MTFR1L: variants seen among roughly 807,000 people sequenced by gnomAD.
MTFR1L encodes the protein mitochondrial fission regulator 1 like, also known as mitochondrial fission regulator 1-like.
A neutral mutation model predicts 27.9 loss-of-function variants in MTFR1L; 10 were observed. That is an observed-to-expected ratio of 0.36 (90% CI 0.22 to 0.61). MTFR1L has a LOEUF of 0.61. Among genes scored for constraint, MTFR1L ranks in the 20% least tolerant of loss-of-function variants. The pLI, the probability that MTFR1L is intolerant of heterozygous loss-of-function variation, is 0.73. For synonymous variants in MTFR1L, 151 were observed against 139.4 expected, an observed-to-expected ratio of 1.08 and a Z score of -0.58; for missense variants, 315 against 363.7, an observed-to-expected ratio of 0.87 and a Z score of 1.09.
At chr1:25,827,827 G>C (rs1027118790) in intron 5 of MTFR1L, among the ~76,000 whole-genome samples, 3 of 152,258 alleles carry the variant, frequency 2.0e-5, no homozygotes, top group Middle Eastern at 3.4e-3. Context: ...CTGGGTTCAA[G>C]CAGTTCTCGT....
intron 6 of MTFR1L, among the ~76,000 whole-genome samples, chr1:25,830,588 T>C (rs1376212839): frequency 1.3e-5 from 2 of 152,182 alleles, no homozygotes; most frequent in Admixed American, 1.3e-4. Flanking sequence ...CCAGAGGAGC[T>C]TGGTTTGAAT....
At position 25,820,130 on chromosome 1, in the gene MTFR1L, CT is replaced by C. The variant is rs1265626845; in HGVS notation, c.-87+102del. 6.7e-6 allele frequency: 3 copies of C among 449,860 alleles called. No individual in the cohort carries two copies. The Admixed American group carries it at 7.3e-5, about 11-fold the overall frequency. The allele number at this position is 449,860 out of a possible 1,614,324, so 27.9% of individuals were successfully genotyped here. ...GGGCGCTGTGCGGAGCCCGCAGCTCCTGTTCCCGCGCGAGTTCTCGCGGGAG... is the reference window on the plus strand; with the variant it reads ...GGGCGCTGTGCGGAGCCCGCAGCTCCGTTCCCGCGCGAGTTCTCGCGGGAG... On this transcript the variant is annotated intron_variant, in intron 1 of 6. Coordinates refer to ENST00000374303, the MANE Select transcript of MTFR1L (RefSeq NM_001099625.2).
chr1:25,830,386 A>T (rs2048222614), intron 6 of MTFR1L, among the ~76,000 whole-genome samples: 1 of 152,244 alleles, frequency 6.6e-6, no homozygotes, highest in South Asian at 2.1e-4. Flanking sequence ...AGATTTGTTA[A>T]AAATACACCT....
chr1:25,820,246 C>T (rs937663211), intron 1 of MTFR1L: 1 of 455,706 alleles, frequency 2.2e-6, no homozygotes, highest in Non-Finnish European at 4.4e-6. Context: ...AGTGACCAAG[C>T]CAGACCTCAG....
chr1:25,831,610 G>A (rs559353903), intron 6 of MTFR1L, among the ~76,000 whole-genome samples: 1 of 152,302 alleles, frequency 6.6e-6, no homozygotes, highest in South Asian at 2.1e-4. Flanking sequence ...CTAACAGACT[G>A]ATGGTCCTTT....
intron 6 of MTFR1L, 47 bp downstream of exon 6, chr1:25,829,877 C>T: frequency 6.7e-7 from 1 of 1,487,994 alleles, no homozygotes; most frequent in Non-Finnish European, 9.0e-7. Context: ...TCAGAGTTGC[C>T]CATGGCCAAT....
At chr1:25,829,315 C>T (rs6664610) in intron 5 of MTFR1L, among the ~76,000 whole-genome samples, 194 bp from the exon 6 acceptor site, 113,382 of 152,000 alleles carry the variant, frequency 0.75, 43,130 homozygotes, top group East Asian at 0.98. Flanking sequence ...AGTGCTTCTA[C>T]AGCTTTCTGA....
chr1:25,832,254 T>C lies in MTFR1L; in HGVS notation c.*228T>C. ...GACCTGAGACATTTGTTTCAGGTAA[T>C]CGTGTAGAATGAAGTATCTTAGTTT... On this transcript the variant is annotated 3_prime_UTR_variant, in exon 7 of 7. Transcript: ENST00000374303. The C allele has an allele frequency of 7.8e-7, 1 of 1,285,346 alleles. No homozygotes were observed. The highest frequency in any genetic ancestry group is 1.1e-6 in the Non-Finnish European group (1 of 925,656). 79.6% of individuals were successfully genotyped at this position (1,285,346 alleles called of 1,614,324 possible).
chr1:25,826,816 A>C lies in MTFR1L; in HGVS notation c.441A>C (p.Ala147=). 6.2e-7 allele frequency: 1 copy of C among 1,613,868 alleles called. No individual in the cohort carries two copies. The highest frequency in any genetic ancestry group is 1.3e-5 in the African/African-American group (1 of 75,050). The part of the protein sequence containing the change: ...HLRSQIAKIV[A]ADAASASLTP... ...GCAGCCAGATTGCAAAGATAGTGGC[A>C]GCTGATGCAGGTAGGAGCCCCTGTG... Residue 147 remains alanine, a synonymous_variant, in exon 5 of 7, where the codon GCA becomes GCC. Coordinates refer to ENST00000374303, the MANE Select transcript of MTFR1L (RefSeq NM_001099625.2). The surrounding 1 kb of genome is among the most constrained non-coding windows in gnomAD (Gnocchi z 4.1).
At chr1:25,823,462 AG>A (rs1398007807) in intron 2 of MTFR1L, 181 bp from the exon 3 acceptor site, 3 of 976,858 alleles carry the variant, frequency 3.1e-6, no homozygotes, top group Non-Finnish European at 3.2e-6. Flanking sequence ...GTGGCTGGCC[AG>A]GGTGTAGGCT....
At position 25,828,541 on chromosome 1, in the gene MTFR1L, CAG is replaced by C. The variant is rs201470935; in HGVS notation, c.452-965_452-964del. Among the ~76,000 whole-genome samples, 1,016 of 150,758 alleles carry C rather than the reference CAG, an allele frequency of 6.7e-3. 10 individuals are homozygous for C. The highest frequency in any genetic ancestry group is 0.023 in the African/African-American group (939 of 40,834). On this transcript the variant is annotated intron_variant, in intron 5 of 6. Transcript: ENST00000374303. ...CACCACTGCACTCCAGCATGGGCGA[CAG>C]AGTGAGACTCCGTCTCAAAAAAAGA...
At chr1:25,830,753 C>T (rs1315099540) in intron 6 of MTFR1L, among the ~76,000 whole-genome samples, 1 of 152,216 alleles carries the variant, frequency 6.6e-6, no homozygotes, top group Non-Finnish European at 1.5e-5. Context: ...AAGTTACTTG[C>T]CCTGGATCCC....
At position 25,829,795 on chromosome 1, in the gene MTFR1L, G is replaced by T; in HGVS notation, c.738G>T (p.Leu246=). The T allele has an allele frequency of 6.2e-7, 1 of 1,606,622 alleles. No homozygotes were observed. ...ASSFADMMGI[L]KDFHRMKQSQ... is the part of the protein sequence containing the mutation. ...GCTTTGCAGACATGATGGGTATCCT[G>T]AAGGACTTTCACCGAATGAAACAGA... The change falls in exon 6 of 7, where the codon CTG becomes CTT. Residue 246 remains leucine, a synonymous_variant. Coordinates refer to ENST00000374303, the MANE Select transcript of MTFR1L (RefSeq NM_001099625.2).
rs1435901634 is a variant in MTFR1L, at chr1:25,826,655, C to A, written c.280C>A (p.Pro94Thr). 4 of 1,614,094 alleles carry A rather than the reference C, an allele frequency of 2.5e-6. No individual in the cohort carries two copies. Among genetic ancestry groups the A allele is most frequent in the Non-Finnish European group, 3.4e-6 (4 of 1,180,052 alleles). ...RPLRHTWKPS[P>T]LIVMQRNASV... ...CCTGAGGCACACCTGGAAACCCAGCCCTCTGATTGTCATGCAGCGCAATGC... is the reference window on the plus strand; with the variant it reads ...CCTGAGGCACACCTGGAAACCCAGCACTCTGATTGTCATGCAGCGCAATGC... Residue 94 changes from proline (P) to threonine (T), a missense_variant, in exon 5 of 7, where the codon CCT (proline) becomes ACT (threonine). Transcript: ENST00000374303. This position sits in a 1 kb window ranked among gnomAD's most constrained non-coding sequence, Gnocchi z 4.1.
intron 5 of MTFR1L, among the ~76,000 whole-genome samples, chr1:25,827,645 TAATC>T (rs1242949188): frequency 6.6e-6 from 1 of 152,090 alleles, no homozygotes; most frequent in Non-Finnish European, 1.5e-5. Context: ...TTTGCCACAT[TAATC>T]AGGCTGGTCT....
Position 25,829,817 on chromosome 1 carries a change from CAG to C in MTFR1L, c.763_764del (p.Gln256ArgfsTer18), listed in dbSNP as rs1384361947. The C allele has an allele frequency of 1.9e-6, 3 of 1,600,658 alleles. No homozygotes were observed. Among genetic ancestry groups the C allele is most frequent in the Non-Finnish European group, 2.5e-6 (3 of 1,178,108 alleles). On this transcript the variant is annotated frameshift_variant, in exon 6 of 7. Transcript: ENST00000374303. LOFTEE classifies it high-confidence loss of function. Reference sequence around the variant, plus strand: ...CCTGAAGGACTTTCACCGAATGAAACAGAGTCAAGATCTGTAAGTATCTGATG... The same window carrying C: ...CCTGAAGGACTTTCACCGAATGAAACAGTCAAGATCTGTAAGTATCTGATG... Reference protein sequence around the residue: ...GILKDFHRMKQSQDLNRSLLK... With the variant: ...GILKDFHRMKXSQDLNRSLLK...
chr1:25,829,339 A>C (rs1308113649), intron 5 of MTFR1L, among the ~76,000 whole-genome samples, 170 bp from the exon 6 acceptor site: 1 of 152,142 alleles, frequency 6.6e-6, no homozygotes, highest in East Asian at 1.9e-4. Flanking sequence ...CCCGAGTGAG[A>C]AGCATAGTGG....
intron 5 of MTFR1L, among the ~76,000 whole-genome samples, chr1:25,827,799 C>G (rs192107778): frequency 6.6e-6 from 1 of 152,108 alleles, no homozygotes; most frequent in Non-Finnish European, 1.5e-5. Flanking sequence ...GATCTTGGCT[C>G]ACTGCAACCT....
intron 3 of MTFR1L, among the ~76,000 whole-genome samples, chr1:25,825,042 A>G (rs927407592): frequency 6.6e-6 from 1 of 152,198 alleles, no homozygotes; most frequent in South Asian, 2.1e-4. Context: ...AGGGCTAATC[A>G]GGAAAACAAA....
Sources: gnomAD v4.1 joint callset for allele counts (sites outside exome capture counted in the v4.1 genomes callset) on GRCh38, gnomAD v4.1.1 for gene constraint, Gnocchi (gnomAD v3.1) non-coding constraint, MANE v1.5 for transcripts, NCBI Gene and HGNC (gene_info 2026-07-23, HGNC 2026-07-21) for gene names.